Variants in RIMS2 observed in about 807,000 individuals in gnomAD.
The protein encoded by RIMS2 is regulating synaptic membrane exocytosis protein 2.
In RIMS2, 59 loss-of-function variants were observed where a neutral mutation model predicts 174.4. The ratio of observed to expected loss-of-function variants is 0.34; its 90% confidence interval spans 0.27 to 0.42. The LOEUF (loss-of-function observed/expected upper bound fraction) is 0.42, where lower values mean the gene tolerates loss of function less well. Ranked by LOEUF, RIMS2 falls within the 10% of genes least tolerant of loss-of-function variation. RIMS2 has a pLI of 1.00. For synonymous variants in RIMS2, 606 were observed against 572.5 expected, an observed-to-expected ratio of 1.06 and a Z score of -0.84; for missense variants, 1,620 against 1,666.3, an observed-to-expected ratio of 0.97 and a Z score of 0.48.
intron 15 of RIMS2, among the ~76,000 whole-genome samples, chr8:103,974,848 T>G (rs1259665873): frequency 6.6e-6 from 1 of 152,186 alleles, no homozygotes; most frequent in East Asian, 1.9e-4. Context: ...CCCATCTCAT[T>G]TTTTAAAAAA....
chr8:104,047,619 C>T (rs1474274443), intron 19 of RIMS2, among the ~76,000 whole-genome samples: 4 of 152,078 alleles, frequency 2.6e-5, no homozygotes, highest in Non-Finnish European at 5.9e-5. Flanking sequence ...AGAGCAAGCA[C>T]CATAAATGAA....
chr8:103,706,419 G>T (rs2097227130), intron 2 of RIMS2, among the ~76,000 whole-genome samples: 1 of 151,688 alleles, frequency 6.6e-6, no homozygotes, highest in Non-Finnish European at 1.5e-5. Flanking sequence ...GGATTTTTTT[G>T]GATGATTGTT....
At chr8:103,555,815 GA>G (rs1260771144) in intron 1 of RIMS2, among the ~76,000 whole-genome samples, 2 of 136,092 alleles carry the variant, frequency 1.5e-5, no homozygotes, top group Non-Finnish European at 1.6e-5. Context: ...AAAAAAAAAA[GA>G]AAAAAAGTGC....
At chr8:103,854,608 A>G (rs1164440805) in intron 3 of RIMS2, among the ~76,000 whole-genome samples, 1 of 151,812 alleles carries the variant, frequency 6.6e-6, no homozygotes, top group Non-Finnish European at 1.5e-5. Flanking sequence ...CTTTCTCTGC[A>G]TCTATTGAGA....
intron 3 of RIMS2, among the ~76,000 whole-genome samples, chr8:103,846,833 A>T (rs1427996501): frequency 6.6e-6 from 1 of 152,088 alleles, no homozygotes; most frequent in Non-Finnish European, 1.5e-5. Flanking sequence ...TTTGGGTGAC[A>T]TACCTGGTAG....
chr8:103,841,394 C>G (rs1021309832), intron 3 of RIMS2, among the ~76,000 whole-genome samples: 1 of 151,604 alleles, frequency 6.6e-6, no homozygotes, highest in African/African-American at 2.4e-5. Flanking sequence ...TTTTAAAAAT[C>G]TTTTTTATTA....
At chr8:104,200,188 A>G (rs1214096385) in intron 19 of RIMS2, among the ~76,000 whole-genome samples, 3 of 152,144 alleles carry the variant, frequency 2.0e-5, no homozygotes, top group Non-Finnish European at 2.9e-5. Flanking sequence ...TGAGAAGCAA[A>G]GAGGTATGTT....
intron 19 of RIMS2, among the ~76,000 whole-genome samples, chr8:104,135,055 T>A (rs986970068): frequency 4.6e-5 from 7 of 152,210 alleles, no homozygotes; most frequent in Admixed American, 1.3e-4. Flanking sequence ...ATATGAATTT[T>A]CCATTAATTT....
intron 15 of RIMS2, among the ~76,000 whole-genome samples, chr8:103,967,858 T>G (rs2092306776): frequency 6.9e-6 from 1 of 145,420 alleles, no homozygotes; most frequent in Non-Finnish European, 1.5e-5. Flanking sequence ...CTGCTTTTTT[T>G]TTTTTTTTTT....
intron 1 of RIMS2, among the ~76,000 whole-genome samples, chr8:103,676,235 G>GA (rs1328857915): frequency 1.7e-5 from 1 of 58,188 alleles, no homozygotes. Flanking sequence ...TTGCAAAAGG[G>GA]TTTTTATATA....
At chr8:104,003,861 C>T (rs1020137855) in intron 17 of RIMS2, among the ~76,000 whole-genome samples, 8 of 151,782 alleles carry the variant, frequency 5.3e-5, no homozygotes, top group East Asian at 1.9e-4. Context: ...CGTGAATGAT[C>T]GATTTGAAGA....
rs567884675 is a variant in RIMS2 at position 103,572,210 on chromosome 8, G to T, written c.176+71148G>T. ...GTGTTACAGCTCTTAAAGGTGCCGCGGACCCAGAGTGAGCAGCAGTAAGAT... is the reference window on the plus strand; with the variant it reads ...GTGTTACAGCTCTTAAAGGTGCCGCTGACCCAGAGTGAGCAGCAGTAAGAT... On this transcript the variant is annotated intron_variant, in intron 1 of 23. Transcript: ENST00000504942. 4.6e-5 allele frequency among the ~76,000 whole-genome samples: 7 copies of T among 152,228 alleles called. No homozygotes were observed. In the South Asian group the frequency reaches 8.3e-4, roughly 18 times the overall value.
intron 2 of RIMS2, among the ~76,000 whole-genome samples, chr8:103,714,329 G>A (rs1727610651): frequency 6.6e-6 from 1 of 152,052 alleles, no homozygotes; most frequent in Non-Finnish European, 1.5e-5. Flanking sequence ...CTAAACTTGT[G>A]GATGAATTAA....
intron 1 of RIMS2, among the ~76,000 whole-genome samples, chr8:103,557,851 T>A (rs1051823647): frequency 3.9e-5 from 6 of 152,180 alleles, no homozygotes; most frequent in Admixed American, 1.3e-4. Context: ...TAATCTCTAG[T>A]ATTATAGAAA....
intron 2 of RIMS2, among the ~76,000 whole-genome samples, chr8:103,764,197 C>A (rs1406620865): frequency 2.0e-5 from 3 of 152,202 alleles, no homozygotes; most frequent in Admixed American, 6.6e-5. Context: ...GCAGCAAATG[C>A]TGTTTCTGCA....
At chr8:103,666,423 G>T (rs1460442884) in intron 1 of RIMS2, among the ~76,000 whole-genome samples, 1 of 152,118 alleles carries the variant, frequency 6.6e-6, no homozygotes, top group East Asian at 1.9e-4. Context: ...AAAACTTTAT[G>T]CGTTGACATC....
chr8:103,527,341 A>T (rs536972887), intron 1 of RIMS2, among the ~76,000 whole-genome samples: 10 of 152,302 alleles, frequency 6.6e-5, no homozygotes, highest in African/African-American at 2.2e-4. Context: ...AAAATTGCAT[A>T]GTATTTGCAT....
chr8:103,793,089 A>G (rs2154444950), intron 3 of RIMS2, among the ~76,000 whole-genome samples: 1 of 152,350 alleles, frequency 6.6e-6, no homozygotes, highest in South Asian at 2.1e-4. Flanking sequence ...GTATGAAGCC[A>G]GCATCATTCT....
intron 19 of RIMS2, among the ~76,000 whole-genome samples, chr8:104,177,698 A>G (rs1259038530): frequency 6.6e-6 from 1 of 152,190 alleles, no homozygotes; most frequent in Admixed American, 6.6e-5. Flanking sequence ...ATTGTAATTC[A>G]CTGCTAACTA....
Sources: allele counts gnomAD v4.1 joint callset (sites outside exome capture counted in the v4.1 genomes callset), GRCh38; gene constraint gnomAD v4.1.1; transcripts MANE v1.5; gene names NCBI Gene and HGNC (gene_info 2026-07-23, HGNC 2026-07-21).